The following ABCC2 variants were observed in gnomAD, a reference collection of about 807,000 sequenced individuals.
The protein encoded by ABCC2 is ATP binding cassette subfamily C member 2, also known as ATP-binding cassette sub-family C member 2.
Under a neutral mutation model 173.4 loss-of-function variants are expected in ABCC2, and 157 were observed. That is an observed-to-expected ratio of 0.91 (90% CI 0.80 to 1.03). The LOEUF is 1.03. Among genes scored for constraint, ABCC2 ranks in the 50% least tolerant of loss-of-function variants. The probability of loss-of-function intolerance (pLI) is 0.00; values close to 1 mark genes in which losing one functional copy is unlikely to be tolerated. For missense variants in ABCC2, 1,822 were observed against 1,852.3 expected (o/e 0.98, Z 0.30); for synonymous variants, 657 against 693.5 (o/e 0.95, Z 0.83).
intron 10 of ABCC2, 80 bp downstream of exon 10, chr10:99,804,353 TG>T (rs1388677062): frequency 7.6e-6 from 12 of 1,588,194 alleles, no homozygotes; most frequent in Non-Finnish European, 1.0e-5. Flanking sequence ...TAATTCTTAA[TG>T]GGAGTTTGGG....
chr10:99,782,998 C>A, intron 1 of ABCC2, 121 bp downstream of exon 1: 1 of 944,984 alleles, frequency 1.1e-6, no homozygotes, highest in South Asian at 1.4e-5. Context: ...TGGTCTAAAG[C>A]TCAGGCTTTT....
intron 30 of ABCC2, among the ~76,000 whole-genome samples, chr10:99,848,372 G>A (rs2039047075): frequency 6.6e-6 from 1 of 152,178 alleles, no homozygotes; most frequent in African/African-American, 2.4e-5. Context: ...CATTTTTCCT[G>A]TAACATTTTT....
At chr10:99,811,655 C>A in intron 15 of ABCC2, 53 bp downstream of exon 15, 1 of 1,591,606 alleles carries the variant, frequency 6.3e-7, no homozygotes, top group Non-Finnish European at 8.6e-7. Flanking sequence ...ACTGCCTGGC[C>A]TATTCTCAGA....
intron 19 of ABCC2, among the ~76,000 whole-genome samples, chr10:99,827,918 G>A (rs980091815): frequency 1.6e-4 from 5 of 31,236 alleles, no homozygotes; most frequent in Admixed American, 7.5e-4. Context: ...ACGCTCGAGC[G>A]TACCTTCACC....
intron 9 of ABCC2, among the ~76,000 whole-genome samples, chr10:99,801,241 T>G (rs1378188254): frequency 3.3e-5 from 5 of 152,144 alleles, no homozygotes; most frequent in African/African-American, 7.2e-5. Flanking sequence ...TTTTGTTTTG[T>G]TTTGGTTGTT....
intron 16 of ABCC2, among the ~76,000 whole-genome samples, chr10:99,814,978 T>TC (rs1470709894): frequency 6.6e-6 from 1 of 151,668 alleles, no homozygotes; most frequent in Non-Finnish European, 1.5e-5. Context: ...TAACTTTTTT[T>TC]TTTTTTTACT....
chr10:99,797,492 T>C (rs2037939287), intron 7 of ABCC2, 161 bp downstream of exon 7: 2 of 694,854 alleles, frequency 2.9e-6, no homozygotes, highest in East Asian at 5.5e-5. Flanking sequence ...ACCTTAGTGA[T>C]GGATACATGG....
rs544311254 is a variant in ABCC2, at chr10:99,847,054, C to T, written c.4240C>T (p.His1414Tyr). Residue 1414 changes from histidine (H) to tyrosine (Y), a missense_variant, in exon 30 of 32, where the codon CAC (histidine) becomes TAC (tyrosine). By Grantham distance (83) the His-to-Tyr change is moderately conservative (BLOSUM62 2). Transcript: ENST00000647814. The stretch of plus-strand genomic sequence containing the variant: ...GATTTGGAAGGCCTTGGAGCTGGCT[C>T]ACCTCAAGTCTTTTGTGGCCAGCCT... Reference protein sequence around the residue: ...EEIWKALELAHLKSFVASLQL... With the variant: ...EEIWKALELAYLKSFVASLQL... The T allele has an allele frequency of 2.7e-5, 43 of 1,614,218 alleles. No individual in the cohort carries two copies. In the East Asian group the frequency reaches 8.9e-4, roughly 33 times the overall value.
intron 17 of ABCC2, among the ~76,000 whole-genome samples, chr10:99,818,050 C>T (rs1176612497): frequency 6.6e-6 from 1 of 152,030 alleles, no homozygotes; most frequent in Non-Finnish European, 1.5e-5. Flanking sequence ...AGGTGAAACC[C>T]CATCTCAACT....
chr10:99,794,538 TTTTTA>T, intron 6 of ABCC2, 70 bp downstream of exon 6: 1 of 1,448,618 alleles, frequency 6.9e-7, no homozygotes, highest in South Asian at 1.2e-5. Context: ...TCAGAAAGAT[TTTTTA>T]TTTTATTATT....
intron 16 of ABCC2, among the ~76,000 whole-genome samples, chr10:99,814,439 A>G (rs1348605241): frequency 1.7e-5 from 2 of 115,372 alleles, no homozygotes; most frequent in Admixed American, 1.6e-4. Context: ...ATGTGTATAC[A>G]CACATATGTG....
At chr10:99,816,278 T>TGGTTATAATCTTGCTTCTTAAGATGTCA in intron 16 of ABCC2, among the ~76,000 whole-genome samples, 1 of 149,602 alleles carries the variant, frequency 6.7e-6, no homozygotes, top group South Asian at 2.1e-4. Context: ...CATCTCTGTT[T>TGGTTATAATCTTGCTTCTTAAGATGTCA]TTTGTTTGTT....
At chr10:99,783,947 AAATCCACACT>A (rs2037661708) in intron 1 of ABCC2, among the ~76,000 whole-genome samples, 1 of 151,900 alleles carries the variant, frequency 6.6e-6, no homozygotes, top group South Asian at 2.1e-4. Context: ...AGGAAAAGAA[AAATCCACACT>A]CATGTGACTC....
intron 7 of ABCC2, chr10:99,797,803 T>C (rs2037945387): frequency 4.9e-6 from 1 of 205,300 alleles, no homozygotes; most frequent in Non-Finnish European, 1.0e-5. Flanking sequence ...AAAACAATAG[T>C]GTATTTGGAG....
intron 26 of ABCC2, among the ~76,000 whole-genome samples, chr10:99,843,086 T>C (rs1015417795): frequency 6.6e-6 from 1 of 151,272 alleles, no homozygotes; most frequent in African/African-American, 2.4e-5. Context: ...TAAGGCCCAA[T>C]GTGTTCCTGC....
chr10:99,803,886 C>A, intron 9 of ABCC2, 133 bp from the exon 10 acceptor site: 1 of 1,164,918 alleles, frequency 8.6e-7, no homozygotes, highest in Non-Finnish European at 1.2e-6. Flanking sequence ...GGCAAGAAGT[C>A]ACAGTGCCTT....
rs1370403461 is a variant in ABCC2 at position 99,815,409 on chromosome 10, T to C, written c.2095-1899T>C. On this transcript the variant is annotated intron_variant, in intron 16 of 31. Coordinates refer to ENST00000647814, the MANE Select transcript of ABCC2 (RefSeq NM_000392.5). ...CGGGGTTTTGCCATGTTGGCCAGGC[T>C]GGTCTCAAACTCCTGGCCTCAAGTG... 2.0e-5 allele frequency among the ~76,000 whole-genome samples: 3 copies of C among 152,164 alleles called. No individual in the cohort carries two copies. In the East Asian group the frequency reaches 5.8e-4, roughly 29 times the overall value.
intron 19 of ABCC2, among the ~76,000 whole-genome samples, chr10:99,821,564 C>T (rs372622457): frequency 8.4e-4 from 128 of 151,944 alleles, no homozygotes; most frequent in African/African-American, 2.8e-3. Flanking sequence ...TGACTCTTAA[C>T]GAGCATGCTG....
intron 26 of ABCC2, 152 bp downstream of exon 26, chr10:99,842,245 C>T (rs1022805138): frequency 4.6e-5 from 51 of 1,102,818 alleles, no homozygotes; most frequent in Non-Finnish European, 6.8e-5. Flanking sequence ...ATCTTTTACC[C>T]ATGGACGTAT....
Sources: allele counts gnomAD v4.1 joint callset (sites outside exome capture counted in the v4.1 genomes callset), GRCh38; gene constraint gnomAD v4.1.1; transcripts MANE v1.5; gene names NCBI Gene and HGNC (gene_info 2026-07-23, HGNC 2026-07-21).